PPFIA1: variants seen among roughly 807,000 people sequenced by gnomAD.
PPFIA1 encodes PPFI scaffold protein A1.
PPFIA1 carries 25 observed loss-of-function variants against 149.9 expected under a neutral mutation model. That is an observed-to-expected ratio of 0.17 (90% CI 0.12 to 0.23). PPFIA1 has a LOEUF of 0.23. Ranked by LOEUF, PPFIA1 falls within the 10% of genes least tolerant of loss-of-function variation. The pLI is 1.00. For synonymous variants in PPFIA1, 549 were observed against 552.8 expected (o/e 0.99, Z 0.10); for missense variants, 1,362 against 1,506.5 (o/e 0.90, Z 1.59).
intron 2 of PPFIA1, among the ~76,000 whole-genome samples, chr11:70,296,433 A>G (rs2052025003): frequency 6.6e-6 from 1 of 152,082 alleles, no homozygotes; most frequent in Admixed American, 6.5e-5. Flanking sequence ...CAATCCCAGC[A>G]CCTCTGGAGG....
At chr11:70,303,503 G>T (rs1174725060) in intron 2 of PPFIA1, among the ~76,000 whole-genome samples, 1 of 152,196 alleles carries the variant, frequency 6.6e-6, no homozygotes, top group Non-Finnish European at 1.5e-5. Flanking sequence ...TTTTTCTGGA[G>T]AATTGCTTAC....
intron 11 of PPFIA1, 103 bp from the exon 12 acceptor site, chr11:70,337,262 G>A (rs1030903542): frequency 1.3e-5 from 10 of 772,388 alleles, no homozygotes; most frequent in African/African-American, 3.7e-5. Context: ...CTTTTACTCC[G>A]TTCCCTTTGT....
intron 16 of PPFIA1, among the ~76,000 whole-genome samples, chr11:70,349,228 G>A (rs1565431254): frequency 6.6e-6 from 1 of 151,576 alleles, no homozygotes; most frequent in Non-Finnish European, 1.5e-5. Context: ...CCCTAAGGAA[G>A]CAGATGGGCT....
intron 21 of PPFIA1, chr11:70,371,533 G>A: frequency 6.5e-6 from 1 of 154,422 alleles, no homozygotes; most frequent in Non-Finnish European, 1.4e-5. Flanking sequence ...TTGTTGGGTG[G>A]AGTGTTCTAT....
intron 2 of PPFIA1, among the ~76,000 whole-genome samples, chr11:70,318,525 A>G (rs1413804134): frequency 6.6e-6 from 1 of 152,106 alleles, no homozygotes; most frequent in Non-Finnish European, 1.5e-5. Flanking sequence ...TGTCTGTCTC[A>G]TCCTGCAAAG....
intron 19 of PPFIA1, among the ~76,000 whole-genome samples, chr11:70,360,598 T>G (rs2056590837): frequency 6.6e-6 from 1 of 152,254 alleles, no homozygotes; most frequent in South Asian, 2.1e-4. Context: ...TGGCTGTCTT[T>G]GAGTGGCATT....
chr11:70,343,927 A>G, intron 15 of PPFIA1, 35 bp downstream of exon 15: 1 of 1,547,610 alleles, frequency 6.5e-7, no homozygotes, highest in Non-Finnish European at 8.9e-7. Context: ...CACCACACGC[A>G]TGGGTGTCTC....
intron 21 of PPFIA1, among the ~76,000 whole-genome samples, chr11:70,367,937 G>GA (rs1027531039): frequency 2.6e-4 from 39 of 152,134 alleles, no homozygotes; most frequent in African/African-American, 9.2e-4. Context: ...AGGAGTTCAA[G>GA]ACCAGCCTGG....
intron 2 of PPFIA1, among the ~76,000 whole-genome samples, chr11:70,299,525 C>T (rs2052330413): frequency 6.6e-6 from 1 of 152,188 alleles, no homozygotes; most frequent in East Asian, 1.9e-4. Context: ...CTCTCCTCGG[C>T]CCCTCCAGCA....
intron 15 of PPFIA1, among the ~76,000 whole-genome samples, chr11:70,344,375 C>A (rs1034204905): frequency 6.6e-6 from 1 of 152,208 alleles, no homozygotes; most frequent in Admixed American, 6.5e-5. Context: ...GCAGTGGCTG[C>A]CTCCACAGGC....
At chr11:70,318,963 A>G (rs1034636301) in intron 2 of PPFIA1, among the ~76,000 whole-genome samples, 5 of 152,232 alleles carry the variant, frequency 3.3e-5, no homozygotes, top group South Asian at 2.1e-4. Context: ...ACTGACTTGC[A>G]TGGAACAAAA....
In PPFIA1 at chr11:70,310,221, A is replaced by G. The variant is rs941480636; in HGVS notation, c.265-14181A>G. Among the ~76,000 whole-genome samples the G allele has an allele frequency of 2.0e-5, 3 of 152,164 alleles. No individual in the cohort carries two copies. In the East Asian group the frequency reaches 5.8e-4, roughly 29 times the overall value. On this transcript the variant is annotated intron_variant, in intron 2 of 27. Coordinates refer to ENST00000253925, the MANE Select transcript of PPFIA1 (RefSeq NM_003626.5). ...TGTGTTTATTATAAAGTGGCTGGCA[A>G]TGCCACTGTAGCTGGTGAAGAGACC... is the stretch of plus-strand genomic sequence containing the variant.
In PPFIA1 at chr11:70,276,209, T is replaced by G. The variant is rs182586064; in HGVS notation, c.264+3773T>G. Among the ~76,000 whole-genome samples the G allele has an allele frequency of 1.1e-3, 166 of 151,710 alleles. 1 individual carries two copies. Among genetic ancestry groups the G allele is most frequent in the Admixed American group, 8.5e-3 (130 of 15,234 alleles). On this transcript the variant is annotated intron_variant, in intron 2 of 27. Transcript: ENST00000253925. ...GTAGCCTTGAACTCCTGGGCTAAAG[T>G]GATCTTCCCACCTCAGCCTCTCAAG...
chr11:70,279,165 C>G lies in PPFIA1; in HGVS notation c.264+6729C>G, dbSNP rs76362894. ...CACAGCGGCAGTCGCGCCCACACGTCCAGGACTGATTGTCCTAGATTTCAG... is the reference window on the plus strand; with the variant it reads ...CACAGCGGCAGTCGCGCCCACACGTGCAGGACTGATTGTCCTAGATTTCAG... On this transcript the variant is annotated intron_variant, in intron 2 of 27. Transcript: ENST00000253925. The G allele has an allele frequency of 6.6e-4, 327 of 495,474 alleles. 2 individuals carry two copies. Among genetic ancestry groups the G allele is most frequent in the African/African-American group, 6.0e-3 (299 of 49,722 alleles). 30.7% of individuals were successfully genotyped at this position (495,474 alleles called of 1,614,324 possible).
chr11:70,304,050 A>G (rs1258806945), intron 2 of PPFIA1, among the ~76,000 whole-genome samples: 1 of 152,170 alleles, frequency 6.6e-6, no homozygotes, highest in Admixed American at 6.6e-5. Flanking sequence ...TGGTCACTGG[A>G]AAGACCTAGG....
Position 70,298,331 on chromosome 11 carries a change from T to C in PPFIA1, c.264+25895T>C, listed in dbSNP as rs148014270. On this transcript the variant is annotated intron_variant, in intron 2 of 27. Transcript: ENST00000253925. The stretch of plus-strand genomic sequence containing the variant: ...TAGTGGGTGGGTAGAATAAAGGTTT[T>C]ACATCGGAAAGAATCTACATTCCAA... Among the ~76,000 whole-genome samples, 9 of 152,322 alleles carry C rather than the reference T, an allele frequency of 5.9e-5. No homozygotes were observed. In the East Asian group the frequency reaches 1.7e-3, roughly 29 times the overall value.
At chr11:70,303,867 G>T (rs371138165) in intron 2 of PPFIA1, among the ~76,000 whole-genome samples, 1 of 152,182 alleles carries the variant, frequency 6.6e-6, no homozygotes, top group Non-Finnish European at 1.5e-5. Context: ...TTAGCCAGGC[G>T]TGGTGGTGTG....
intron 2 of PPFIA1, among the ~76,000 whole-genome samples, chr11:70,290,700 A>C (rs1427933307): frequency 6.6e-6 from 1 of 152,150 alleles, no homozygotes; most frequent in African/African-American, 2.4e-5. Flanking sequence ...CTTGAAGCAT[A>C]TTGTACATTT....
At chr11:70,324,613 C>A in intron 3 of PPFIA1, 110 bp downstream of exon 3, 1 of 1,007,046 alleles carries the variant, frequency 9.9e-7, no homozygotes, top group Non-Finnish European at 1.5e-6. Flanking sequence ...AAATACTTTT[C>A]ATACCTTTTC....
Sources: allele counts gnomAD v4.1 joint callset (sites outside exome capture counted in the v4.1 genomes callset), GRCh38; gene constraint gnomAD v4.1.1; transcripts MANE v1.5; gene names NCBI Gene and HGNC (gene_info 2026-07-23, HGNC 2026-07-21).